Variants in ATM observed in about 807,000 individuals in gnomAD.
ATM encodes ATM serine/threonine kinase, also known as serine-protein kinase ATM.
Under a neutral mutation model 387.0 loss-of-function variants are expected in ATM, and 308 were observed. The observed-to-expected ratio is 0.80, with a 90% confidence interval of 0.73 to 0.87. The LOEUF is 0.87. Among genes scored for constraint, ATM ranks in the 40% least tolerant of loss-of-function variants. The pLI, the probability that ATM is intolerant of heterozygous loss-of-function variation, is 0.00. For synonymous variants in ATM, 1,156 were observed against 1,187.3 expected (o/e 0.97, Z 0.54); for missense variants, 3,312 against 3,560.9 (o/e 0.93, Z 1.78).
At chr11:108,341,611 T>C (rs1482882517) in intron 56 of ATM, among the ~76,000 whole-genome samples, 2 of 152,084 alleles carry the variant, frequency 1.3e-5, no homozygotes, top group Non-Finnish European at 2.9e-5. Context: ...AATTTAAAAA[T>C]GTATAGAACT....
chr11:108,230,550 A>T (rs1054892822), intron 4 of ATM: 1 of 152,140 alleles, frequency 6.6e-6, no homozygotes, highest in Non-Finnish European at 1.5e-5. Flanking sequence ...CTAAGTCCTC[A>T]TCTCTAAAGT....
At chr11:108,343,100 G>T in intron 56 of ATM, 122 bp from the exon 57 acceptor site, 1 of 1,249,336 alleles carries the variant, frequency 8.0e-7, no homozygotes, top group Non-Finnish European at 1.2e-6. Context: ...GTCTTCTATG[G>T]ACAGAGAAAT....
chr11:108,314,221 T>A (rs2084412669), intron 40 of ATM, among the ~76,000 whole-genome samples: 1 of 151,984 alleles, frequency 6.6e-6, no homozygotes, highest in Non-Finnish European at 1.5e-5. Context: ...GCTCAAGCCA[T>A]CCTCCAACCT....
chr11:108,329,043 A>T lies in ATM; in HGVS notation c.7112A>T (p.Tyr2371Phe), dbSNP rs1565526394. ...LEKAVEVAGN[Y>F]DGESSDELRN... Reference sequence around the variant, plus strand: ...AAGGCAGTAGAAGTTGCTGGAAATTATGATGGAGAAAGTAGTGATGAGCTA... The same window carrying T: ...AAGGCAGTAGAAGTTGCTGGAAATTTTGATGGAGAAAGTAGTGATGAGCTA... The change falls in exon 49 of 63, where the codon TAT becomes TTT. Residue 2371 changes from tyrosine (Y) to phenylalanine (F), a missense_variant. Physicochemically the swap from Tyr to Phe is conservative, Grantham distance 22. Transcript: ENST00000675843. 2 of 1,614,128 alleles carry T rather than the reference A, an allele frequency of 1.2e-6. No homozygotes were observed. The highest frequency in any genetic ancestry group is 4.5e-5 in the East Asian group (2 of 44,850).
intron 29 of ATM, among the ~76,000 whole-genome samples, chr11:108,290,874 A>G (rs2082753329): frequency 6.6e-6 from 1 of 151,630 alleles, no homozygotes; most frequent in Admixed American, 6.6e-5. Flanking sequence ...AAATCTTAAG[A>G]AGGATCTTCA....
rs762242838 is a variant in ATM, at chr11:108,288,981, T to C, written c.4114T>C (p.Leu1372=). 2 of 1,613,534 alleles carry C rather than the reference T, an allele frequency of 1.2e-6. No individual in the cohort carries two copies. Among genetic ancestry groups the C allele is most frequent in the Non-Finnish European group, 1.7e-6 (2 of 1,179,734 alleles). The part of the protein sequence containing the change: ...STDLCDFSGD[L]DPAPNPPHFP... ...TTTTTCCCTTAACTCTGTTAGGGAT[T>C]TGGATCCTGCTCCTAATCCACCTCA... The change falls in exon 28 of 63, where the codon TTG becomes CTG. Residue 1372 remains leucine (L), a synonymous_variant. Transcript: ENST00000675843.
chr11:108,244,115 C>T lies in ATM; in HGVS notation c.659C>T (p.Ala220Val), dbSNP rs145355104. Residue 220 changes from alanine (A) to valine (V), a missense_variant, in exon 6 of 63, where the codon GCG becomes GTG. Ala to Val is a moderately conservative substitution (Grantham distance 64, BLOSUM62 0). Around this residue, in one of 4 missense-constraint regions of ATM, gnomAD observed 1,791 missense variants for 1,804.5 expected, o/e 0.99. Transcript: ENST00000675843. ...TTTTTTTCCAAGGCTATTCAGTGTG[C>T]GAGGTAATCTAATCTCTTTTTCTTT... ...LDFFSKAIQC[A>V]RQEKSSSGLN... 33 of 1,613,416 alleles carry T rather than the reference C, an allele frequency of 2.0e-5. No homozygotes were observed. Among genetic ancestry groups the T allele is most frequent in the East Asian group, 1.8e-4 (8 of 44,782 alleles).
chr11:108,266,891 G>A (rs948859268), intron 16 of ATM, among the ~76,000 whole-genome samples: 3 of 150,820 alleles, frequency 2.0e-5, no homozygotes, highest in Non-Finnish European at 4.4e-5. Flanking sequence ...TGCCTCCTGA[G>A]TTCAAGTGAT....
chr11:108,287,911 T>C (rs2082579796), intron 27 of ATM, among the ~76,000 whole-genome samples, 196 bp downstream of exon 27: 1 of 152,218 alleles, frequency 6.6e-6, no homozygotes, highest in South Asian at 2.1e-4. Flanking sequence ...GTAATTACTC[T>C]TTCTAAATTG....
At chr11:108,297,220 A>T (rs1245575764) in intron 32 of ATM, 67 bp from the exon 33 acceptor site, 1 of 1,292,822 alleles carries the variant, frequency 7.7e-7, no homozygotes, top group Non-Finnish European at 1.1e-6. Context: ...TTTAATATAT[A>T]TGCAATTATA....
At chr11:108,264,490 T>C (rs983526531) in intron 16 of ATM, among the ~76,000 whole-genome samples, 3 of 152,254 alleles carry the variant, frequency 2.0e-5, no homozygotes, top group Middle Eastern at 3.4e-3. Context: ...CTCAAAATAA[T>C]AAGAGCTATC....
chr11:108,242,233 C>T (rs2079599901), intron 5 of ATM, among the ~76,000 whole-genome samples: 1 of 152,138 alleles, frequency 6.6e-6, no homozygotes, highest in Admixed American at 6.6e-5. Context: ...ACACTATGAA[C>T]ATCTATTAAT....
intron 55 of ATM, 110 bp from the exon 56 acceptor site, chr11:108,335,735 G>A (rs1436673710): frequency 2.6e-6 from 2 of 771,228 alleles, no homozygotes; most frequent in East Asian, 5.3e-5. Context: ...CTGTCAAGAG[G>A]TGCACAGATG....
chr11:108,362,120 C>T (rs1362691336), intron 61 of ATM, among the ~76,000 whole-genome samples: 4 of 139,446 alleles, frequency 2.9e-5, no homozygotes, highest in East Asian at 2.1e-4. Flanking sequence ...CAAACAACCC[C>T]ATCAAAAAGT....
chr11:108,261,355 AC>A (rs2080874387), intron 16 of ATM, among the ~76,000 whole-genome samples: 1 of 151,822 alleles, frequency 6.6e-6, no homozygotes, highest in Non-Finnish European at 1.5e-5. Context: ...ACTGGGAGGC[AC>A]CCCCCAGCAG....
chr11:108,272,661 T>A (rs2135568161), intron 21 of ATM, 54 bp downstream of exon 21: 2 of 1,612,952 alleles, frequency 1.2e-6, no homozygotes, highest in Non-Finnish European at 1.7e-6. Flanking sequence ...TAAAGCAGTC[T>A]TTGTTTGTTA....
intron 60 of ATM, among the ~76,000 whole-genome samples, chr11:108,354,438 G>A (rs1224772428): frequency 6.6e-6 from 1 of 152,168 alleles, no homozygotes; most frequent in Non-Finnish European, 1.5e-5. Context: ...AAAAAGCTTT[G>A]CAGTTCCTTG....
At chr11:108,289,127 T>C in intron 28 of ATM, 24 bp downstream of exon 28, 1 of 1,592,426 alleles carries the variant, frequency 6.3e-7, no homozygotes, top group Non-Finnish European at 8.6e-7. Flanking sequence ...ATGAGTTTAA[T>C]AATAGAACAT....
At chr11:108,358,397 C>T (rs867784036) in intron 61 of ATM, among the ~76,000 whole-genome samples, 1,546 of 147,758 alleles carry the variant, frequency 0.01, 22 homozygotes, top group African/African-American at 0.036. Context: ...GAGAACTTCC[C>T]CAATCTAGCA....
Sources: allele counts gnomAD v4.1 joint callset (sites outside exome capture counted in the v4.1 genomes callset), GRCh38; gene constraint gnomAD v4.1.1; regional missense constraint gnomAD v4.1.1; transcripts MANE v1.5; gene names NCBI Gene and HGNC (gene_info 2026-07-23, HGNC 2026-07-21).